The following NFIC variants were observed in gnomAD, a reference collection of about 807,000 sequenced individuals.
The protein encoded by NFIC is nuclear factor I C.
NFIC carries 12 observed loss-of-function variants against 54.4 expected under a neutral mutation model. The observed-to-expected ratio is 0.22, with a 90% CI of 0.14 to 0.36. The LOEUF (loss-of-function observed/expected upper bound fraction) is 0.36, where lower values mean the gene tolerates loss of function less well. NFIC is among the 10% of genes least tolerant of loss of function. The pLI is 1.00. For synonymous variants in NFIC, 322 were observed against 319.2 expected (o/e 1.01, Z -0.09); for missense variants, 575 against 718.2 (o/e 0.80, Z 2.28).
chr19:3,372,041 C>G (rs1216630238), intron 1 of NFIC, among the ~76,000 whole-genome samples: 1 of 136,834 alleles, frequency 7.3e-6, no homozygotes, highest in African/African-American at 2.9e-5. Flanking sequence ...CTCTCTCTCT[C>G]TCGGAGTCTT....
upstream of NFIC, among the ~76,000 whole-genome samples, chr19:3,363,263 ATATATATTT>A (rs1380808756): frequency 1.0e-3 from 61 of 60,882 alleles, no homozygotes; most frequent in Middle Eastern, 8.8e-3. Flanking sequence ...ATATATATAT[ATATATATTT>A]TTTTTTTTTT....
chr19:3,408,652 C>T (rs556539469), intron 2 of NFIC, among the ~76,000 whole-genome samples: 283 of 152,224 alleles, frequency 1.9e-3, no homozygotes, highest in African/African-American at 6.3e-3. Flanking sequence ...GACGGAGTCT[C>T]ACTCTGTCGC....
At chr19:3,367,399 A>AGGCCCGGCGCTCCGGGTCT (rs1330309381) in intron 1 of NFIC, among the ~76,000 whole-genome samples, 2 of 151,392 alleles carry the variant, frequency 1.3e-5, no homozygotes, top group Non-Finnish European at 2.9e-5. Flanking sequence ...GAGGAGCGGG[A>AGGCCCGGCGCTCCGGGTCT]GGCCCGGCGC....
chr19:3,425,172 C>T lies in NFIC; in HGVS notation c.629C>T (p.Thr210Met), dbSNP rs747005328. 7.4e-6 allele frequency: 12 copies of T among 1,610,888 alleles called. No homozygotes were observed. The highest frequency in any genetic ancestry group is 5.0e-5 in the Admixed American group (3 of 59,844). Residue 210 changes from threonine (T) to methionine (M), a missense_variant, in exon 3 of 11, where the codon ACG (threonine) becomes ATG (methionine). Thr to Met is a moderately conservative substitution (Grantham distance 81). This residue lies in a region of NFIC where 447 missense variants were observed against 526.9 expected (regional missense o/e 0.85). Transcript: ENST00000443272. Reference protein sequence around the residue: ...GSDQEDSKPITLDTTDFQESF... With the variant: ...GSDQEDSKPIMLDTTDFQESF... The stretch of plus-strand genomic sequence containing the variant: ...GACCAGGAGGACAGCAAGCCCATCA[C>T]GCTGGGTGAGTCTGGGGGCAGCGTG...
intron 1 of NFIC, among the ~76,000 whole-genome samples, chr19:3,374,505 CCTTA>C (rs1340692606): frequency 1.3e-5 from 2 of 152,160 alleles, no homozygotes; most frequent in Non-Finnish European, 2.9e-5. Context: ...TGAAAATAGA[CCTTA>C]CTGTCACCCA....
At chr19:3,397,566 G>A (rs4806929) in intron 2 of NFIC, among the ~76,000 whole-genome samples, 106,935 of 151,972 alleles carry the variant, frequency 0.7, 37,787 homozygotes, top group African/African-American at 0.75. Context: ...ATTCTCCCCA[G>A]GCTGCCTTGT....
intron 7 of NFIC, among the ~76,000 whole-genome samples, chr19:3,449,953 G>T (rs559561924): frequency 1.4e-4 from 22 of 152,104 alleles, no homozygotes; most frequent in Admixed American, 3.9e-4. Flanking sequence ...TACTTGGGAG[G>T]CTGAGGCAGG....
intron 2 of NFIC, among the ~76,000 whole-genome samples, chr19:3,391,860 C>A (rs1334377016): frequency 6.6e-6 from 1 of 151,978 alleles, no homozygotes. Flanking sequence ...AATCATGGAA[C>A]AATAAATAAG....
upstream of NFIC, among the ~76,000 whole-genome samples, chr19:3,364,025 C>A (rs2145415128): frequency 6.6e-6 from 1 of 152,318 alleles, no homozygotes; most frequent in East Asian, 1.9e-4. Context: ...ACCGGTCCCC[C>A]ACAGATGGAC....
At chr19:3,376,428 C>CAAAAAAAA (rs35724239) in intron 1 of NFIC, among the ~76,000 whole-genome samples, 6 of 48,192 alleles carry the variant, frequency 1.2e-4, no homozygotes, top group South Asian at 1.2e-3. Flanking sequence ...GACACTGTCT[C>CAAAAAAAA]AAAAAAAAAA....
rs2081087578 is a variant in NFIC, at chr19:3,375,356, T to C, written c.31-6356T>C. Among the ~76,000 whole-genome samples the C allele has an allele frequency of 6.6e-6, 1 of 152,054 alleles. No homozygotes were observed. On this transcript the variant is annotated intron_variant, in intron 1 of 10. Coordinates refer to ENST00000443272, the MANE Select transcript of NFIC (RefSeq NM_001245002.2). This position sits in a 1 kb window ranked among gnomAD's most constrained non-coding sequence, Gnocchi z 4.6. The stretch of plus-strand genomic sequence containing the variant: ...GCCTCTATGGGTCCTCTCTGCCGCG[T>C]CCCACTGTGCCCCCCACCACCCCCA...
intron 2 of NFIC, among the ~76,000 whole-genome samples, chr19:3,387,572 G>C (rs780272894): frequency 1.9e-4 from 29 of 152,098 alleles, no homozygotes; most frequent in Non-Finnish European, 4.0e-4. Flanking sequence ...GGACATGGAG[G>C]GGGGCTGGGG....
Position 3,468,208 on chromosome 19 carries a change from GC to G in NFIC, c.*5444del, listed in dbSNP as rs1168196676. On this transcript the variant is annotated 3_prime_UTR_variant, in exon 11 of 11. Coordinates refer to ENST00000443272, the MANE Select transcript of NFIC (RefSeq NM_001245002.2). The stretch of plus-strand genomic sequence containing the variant: ...CTGCCCCACCCCCCCGTCCATGGCA[GC>G]CCCCTCCCCAAGGCTTTGCTCACAC... The G allele has an allele frequency of 8.1e-6, 1 of 123,248 alleles. No homozygotes were observed. The highest frequency in any genetic ancestry group is 2.6e-4 in the South Asian group (1 of 3,780). 7.6% of individuals were successfully genotyped at this position (123,248 alleles called of 1,614,324 possible). A position where few individuals can be genotyped will look rare whatever the true frequency, so the allele number is the denominator to read the frequency against.
At chr19:3,413,957 A>G (rs2081807374) in intron 2 of NFIC, among the ~76,000 whole-genome samples, 1 of 151,956 alleles carries the variant, frequency 6.6e-6, no homozygotes, top group Admixed American at 6.6e-5. Context: ...TGACTTGTTC[A>G]TTTCCTGTCA....
chr19:3,405,428 T>C (rs8111211), intron 2 of NFIC, among the ~76,000 whole-genome samples: 143,757 of 152,218 alleles, frequency 0.94, 67,896 homozygotes, highest in East Asian at 0.97. Context: ...ATCTGCACTG[T>C]CAGGATGTGG....
chr19:3,443,885 G>A (rs911964972), intron 6 of NFIC, among the ~76,000 whole-genome samples: 3 of 152,188 alleles, frequency 2.0e-5, no homozygotes, highest in East Asian at 1.9e-4. Flanking sequence ...CACTGTCAAC[G>A]CCCCGTGGTC....
At chr19:3,368,117 C>G (rs2080930795) in intron 1 of NFIC, among the ~76,000 whole-genome samples, 1 of 152,068 alleles carries the variant, frequency 6.6e-6, no homozygotes, top group South Asian at 2.1e-4. Flanking sequence ...CCAAGAACAA[C>G]TAGGGTTCGA....
chr19:3,370,961 C>T lies in NFIC; in HGVS notation c.30+4295C>T, dbSNP rs553688509. On this transcript the variant is annotated intron_variant, in intron 1 of 10. Coordinates refer to ENST00000443272, the MANE Select transcript of NFIC (RefSeq NM_001245002.2). This position sits in a 1 kb window ranked among gnomAD's most constrained non-coding sequence, Gnocchi z 5.2. ...CATCCATGAGCACACGCTGGGCGCA[C>T]ACGCGTGCACACTCCCTGACACCCA... Among the ~76,000 whole-genome samples the T allele has an allele frequency of 1.1e-4, 17 of 152,340 alleles. 2 individuals are homozygous for T. In the South Asian group the frequency reaches 2.5e-3, roughly 22 times the overall value.
Position 3,369,486 on chromosome 19 carries a change from G to A in NFIC, c.30+2820G>A, listed in dbSNP as rs1307146303. ...AGCTCCCTTTTAGCTGATCCGACCC[G>A]GATCCTTCTCGGGAGCCGAGGCTGG... On this transcript the variant is annotated intron_variant, in intron 1 of 10. Transcript: ENST00000443272. This position sits in a 1 kb window ranked among gnomAD's most constrained non-coding sequence, Gnocchi z 4.3. Among the ~76,000 whole-genome samples the A allele has an allele frequency of 2.0e-5, 3 of 151,728 alleles. No individual in the cohort carries two copies. The highest frequency in any genetic ancestry group is 4.4e-5 in the Non-Finnish European group (3 of 67,922).
Sources: allele counts gnomAD v4.1 joint callset (sites outside exome capture counted in the v4.1 genomes callset), GRCh38; gene constraint gnomAD v4.1.1; regional missense constraint gnomAD v4.1.1; non-coding constraint Gnocchi (gnomAD v3.1); transcripts MANE v1.5; gene names NCBI Gene and HGNC (gene_info 2026-07-23, HGNC 2026-07-21).